Variants in PSMA8 observed in about 807,000 individuals in gnomAD.
PSMA8 encodes proteasome 20S subunit alpha 8, also known as proteasome subunit alpha-type 8.
In PSMA8, 18 loss-of-function variants were observed where a neutral mutation model predicts 32.4. The ratio of observed to expected loss-of-function variants is 0.56; its 90% CI spans 0.38 to 0.82. The LOEUF (loss-of-function observed/expected upper bound fraction) is 0.82, where lower values mean the gene tolerates loss of function less well. Among genes scored for constraint, PSMA8 ranks in the 40% least tolerant of loss-of-function variants. PSMA8 has a pLI of 0.00. For missense variants in PSMA8, 298 were observed against 300.7 expected, an observed-to-expected ratio of 0.99 and a Z score of 0.07; for synonymous variants, 104 against 98.1, an observed-to-expected ratio of 1.06 and a Z score of -0.36.
At chr18:26,156,132 C>T (rs2055087010) in intron 3 of PSMA8, among the ~76,000 whole-genome samples, 2 of 151,988 alleles carry the variant, frequency 1.3e-5, no homozygotes, top group African/African-American at 2.4e-5. Context: ...TGGCTATTAT[C>T]AAAAAGACAA....
intron 4 of PSMA8, among the ~76,000 whole-genome samples, chr18:26,167,850 T>C (rs935575577): frequency 2.1e-5 from 2 of 93,038 alleles, no homozygotes. Flanking sequence ...GTGGTATTTT[T>C]TTTTTTTTTT....
chr18:26,157,457 C>T (rs1437526295), intron 3 of PSMA8, among the ~76,000 whole-genome samples: 1 of 151,908 alleles, frequency 6.6e-6, no homozygotes, highest in Non-Finnish European at 1.5e-5. Flanking sequence ...ACTTTTGGGG[C>T]ACGAGTCTCA....
At position 26,187,812 on chromosome 18, in the gene PSMA8, A is replaced by G. The variant is rs533325372; in HGVS notation, c.661-4507A>G. On this transcript the variant is annotated intron_variant, in intron 6 of 6. Coordinates refer to ENST00000415576, the MANE Select transcript of PSMA8 (RefSeq NM_001025096.2). ...AACATTATTAGAGCTAAAAAAAACC[A>G]GATAGATTCCAATACAATAATAGCT... Among the ~76,000 whole-genome samples, 22 of 152,316 alleles carry G rather than the reference A, an allele frequency of 1.4e-4. No homozygotes were observed. The South Asian group carries it at 2.9e-3, about 20-fold the overall frequency.
chr18:26,140,481 C>A (rs149527446), intron 1 of PSMA8, among the ~76,000 whole-genome samples: 2 of 152,186 alleles, frequency 1.3e-5, no homozygotes. Flanking sequence ...AGTGTCTTTT[C>A]GTATTTCTGT....
chr18:26,162,395 A>G (rs371951122), intron 4 of PSMA8, among the ~76,000 whole-genome samples: 4 of 151,646 alleles, frequency 2.6e-5, no homozygotes, highest in Admixed American at 1.3e-4. Flanking sequence ...GGTTCCACAT[A>G]TAAGTGAGAT....
At chr18:26,141,713 C>CT (rs1011733993) in intron 1 of PSMA8, among the ~76,000 whole-genome samples, 1,672 of 109,912 alleles carry the variant, frequency 0.015, 20 homozygotes, top group Non-Finnish European at 0.021. Flanking sequence ...TTTCTTTTTT[C>CT]TTTTTTTTTT....
chr18:26,193,218 G>T lies in PSMA8; in HGVS notation c.*807G>T, dbSNP rs2144371210. On this transcript the variant is annotated 3_prime_UTR_variant, in exon 7 of 7. Transcript: ENST00000415576. ...TATTTTATGATTGGTATTATGGAAG[G>T]CTTATTGGGGGAACAAGAAAAATAT... 6.6e-6 allele frequency: 1 copy of T among 152,252 alleles called. No homozygotes were observed. Among genetic ancestry groups the T allele is most frequent in the Non-Finnish European group, 1.5e-5 (1 of 68,014 alleles). The allele number at this position is 152,252 out of a possible 1,614,324, so 9.4% of individuals were successfully genotyped here.
chr18:26,191,673 T>G (rs2055404170), intron 6 of PSMA8, among the ~76,000 whole-genome samples: 1 of 151,796 alleles, frequency 6.6e-6, no homozygotes, highest in Non-Finnish European at 1.5e-5. Context: ...CAGCCTGGTC[T>G]CGAACCCCTG....
At chr18:26,163,213 G>GTATATATATATATATATA (rs58945617) in intron 4 of PSMA8, among the ~76,000 whole-genome samples, 2 of 80,892 alleles carry the variant, frequency 2.5e-5, no homozygotes, top group African/African-American at 5.2e-5. Flanking sequence ...ATGTGTGTGT[G>GTATATATATATATATATA]TATATATATA....
intron 1 of PSMA8, among the ~76,000 whole-genome samples, chr18:26,137,543 G>C (rs2054922127): frequency 6.6e-6 from 1 of 152,106 alleles, no homozygotes; most frequent in East Asian, 1.9e-4. Flanking sequence ...ACAGAATCTA[G>C]TTCACAGAAA....
At chr18:26,154,010 T>C (rs915041739) in intron 3 of PSMA8, among the ~76,000 whole-genome samples, 1 of 152,204 alleles carries the variant, frequency 6.6e-6, no homozygotes, top group African/African-American at 2.4e-5. Flanking sequence ...CAAGCAATGC[T>C]TATACCCCAG....
At chr18:26,140,984 C>T (rs1445914497) in intron 1 of PSMA8, among the ~76,000 whole-genome samples, 1 of 152,120 alleles carries the variant, frequency 6.6e-6, no homozygotes, top group Non-Finnish European at 1.5e-5. Context: ...AATTTATTAA[C>T]TTAAGGTTAT....
intron 2 of PSMA8, among the ~76,000 whole-genome samples, chr18:26,149,044 T>C (rs897685198): frequency 1.3e-5 from 2 of 152,092 alleles, no homozygotes; most frequent in Non-Finnish European, 2.9e-5. Flanking sequence ...GATCTCACTA[T>C]GTTGCCCAGG....
intron 4 of PSMA8, among the ~76,000 whole-genome samples, chr18:26,171,639 C>T (rs1030875164): frequency 2.0e-5 from 3 of 151,878 alleles, no homozygotes; most frequent in African/African-American, 4.8e-5. Context: ...GAGGCTGAGG[C>T]GTGAGAATTG....
intron 4 of PSMA8, among the ~76,000 whole-genome samples, chr18:26,172,948 GGTT>G (rs1163454109): frequency 6.6e-6 from 1 of 152,132 alleles, no homozygotes; most frequent in Non-Finnish European, 1.5e-5. Context: ...TATTCCTCAG[GGTT>G]GTTGGCCACT....
At chr18:26,152,069 A>G (rs2055050844) in intron 3 of PSMA8, 87 bp downstream of exon 3, 1 of 943,224 alleles carries the variant, frequency 1.1e-6, no homozygotes, top group South Asian at 3.0e-5. Context: ...AGTTACTCCA[A>G]CCATGTAGTC....
In PSMA8 at chr18:26,142,070, C is replaced by A. The variant is rs1452886285; in HGVS notation, c.103-2489C>A. 2.3e-5 allele frequency among the ~76,000 whole-genome samples: 3 copies of A among 132,148 alleles called. No homozygotes were observed. The East Asian group carries it at 6.6e-4, about 29-fold the overall frequency. The allele number at this position is 132,148 out of a possible 152,430, so 86.7% of individuals were successfully genotyped here. On this transcript the variant is annotated intron_variant, in intron 1 of 6. Coordinates refer to ENST00000415576, the MANE Select transcript of PSMA8 (RefSeq NM_001025096.2). ...TTTTTTTTTTTTTGAGATGGAGTCT[C>A]TCTCTGTCGCCTGGGCTGGAGTGCA...
At chr18:26,161,486 A>C (rs889056638) in intron 4 of PSMA8, among the ~76,000 whole-genome samples, 6 of 152,330 alleles carry the variant, frequency 3.9e-5, no homozygotes, top group Admixed American at 2.6e-4. Flanking sequence ...TAGTAAAACC[A>C]ATGAATCTCA....
At chr18:26,184,776 A>C (rs75951532) in intron 6 of PSMA8, among the ~76,000 whole-genome samples, 2 of 144,176 alleles carry the variant, frequency 1.4e-5, no homozygotes, top group Non-Finnish European at 3.0e-5. Context: ...TCTGTCTCAA[A>C]AAAAAAAAAA....
Sources: allele counts gnomAD v4.1 joint callset (sites outside exome capture counted in the v4.1 genomes callset), GRCh38; gene constraint gnomAD v4.1.1; transcripts MANE v1.5; gene names NCBI Gene and HGNC (gene_info 2026-07-23, HGNC 2026-07-21).